NSUN6: variants seen among roughly 807,000 people sequenced by gnomAD.
The protein encoded by NSUN6 is tRNA (cytosine(72)-C(5))-methyltransferase NSUN6.
Under a neutral mutation model 58.0 loss-of-function variants are expected in NSUN6, and 64 were observed. The ratio of observed to expected loss-of-function variants is 1.10; its 90% CI spans 0.90 to 1.36. The LOEUF (loss-of-function observed/expected upper bound fraction) is 1.36. Among genes scored for constraint, NSUN6 ranks in the 40% most tolerant of loss-of-function variants. The probability of loss-of-function intolerance (pLI) is 0.00; values close to 1 mark genes in which losing one functional copy is unlikely to be tolerated. For missense variants in NSUN6, 701 were observed against 550.1 expected, an observed-to-expected ratio of 1.27 and a Z score of -2.74; for synonymous variants, 231 against 193.9, an observed-to-expected ratio of 1.19 and a Z score of -1.59.
intron 8 of NSUN6, among the ~76,000 whole-genome samples, chr10:18,578,231 A>T (rs865792696): frequency 5.7e-4 from 69 of 121,110 alleles, no homozygotes; most frequent in South Asian, 8.2e-4. Context: ...CTCTAAGCCT[A>T]TTTTTTTTTT....
At chr10:18,567,001 TTCCATTCTACTC>T (rs1429305739) in intron 8 of NSUN6, among the ~76,000 whole-genome samples, 1 of 151,364 alleles carries the variant, frequency 6.6e-6, no homozygotes, top group Non-Finnish European at 1.5e-5. Context: ...CTGCATTCCA[TTCCATTCTACTC>T]TCCATTCCAT....
chr10:18,589,174 C>A (rs1337979472), intron 7 of NSUN6, among the ~76,000 whole-genome samples: 2 of 152,076 alleles, frequency 1.3e-5, no homozygotes, highest in African/African-American at 4.8e-5. Context: ...ATATCAGAGA[C>A]TGAAGATCAC....
In NSUN6 at chr10:18,570,225, G is replaced by C. The variant is rs185654598; in HGVS notation, c.922+15724C>G. On this transcript the variant is annotated intron_variant, in intron 8 of 10. Transcript: ENST00000377304. ...CCATTCATGTCCATCCCATTCCATT[G>C]CATTCTATTCTCCATTCCATTCCAT... 4.1e-3 allele frequency among the ~76,000 whole-genome samples: 588 copies of C among 141,948 alleles called. 5 individuals carry two copies. The highest frequency in any genetic ancestry group is 0.014 in the African/African-American group (537 of 37,946). The allele number at this position is 141,948 out of a possible 152,430, so 93.1% of individuals were successfully genotyped here. A position where few individuals can be genotyped will look rare whatever the true frequency, so the allele number is the denominator to read the frequency against.
At chr10:18,622,152 A>G (rs1326551647) in intron 3 of NSUN6, among the ~76,000 whole-genome samples, 1 of 152,114 alleles carries the variant, frequency 6.6e-6, no homozygotes, top group African/African-American at 2.4e-5. Flanking sequence ...CCCGAACTCA[A>G]TGTGATGGTA....
intron 3 of NSUN6, among the ~76,000 whole-genome samples, chr10:18,632,159 A>C (rs955499881): frequency 6.6e-6 from 1 of 152,076 alleles, no homozygotes; most frequent in Admixed American, 6.6e-5. Flanking sequence ...TGGGGAAAGG[A>C]TTCCCTAGTT....
chr10:18,619,608 T>C (rs975701012), intron 3 of NSUN6, among the ~76,000 whole-genome samples: 6 of 152,340 alleles, frequency 3.9e-5, no homozygotes, highest in African/African-American at 9.6e-5. Context: ...CTACATCATT[T>C]TGTGGCCTAC....
chr10:18,642,861 C>G (rs151224653), intron 2 of NSUN6, among the ~76,000 whole-genome samples: 1 of 152,166 alleles, frequency 6.6e-6, no homozygotes, highest in Non-Finnish European at 1.5e-5. Context: ...TATAGAATTA[C>G]ATGTAGTATT....
chr10:18,552,760 A>T (rs1290636767), intron 8 of NSUN6, among the ~76,000 whole-genome samples: 1 of 144,684 alleles, frequency 6.9e-6, no homozygotes, highest in African/African-American at 2.5e-5. Context: ...ACTCCATTCT[A>T]TTCTCCATTC....
At chr10:18,559,671 T>G (rs972319995) in intron 8 of NSUN6, among the ~76,000 whole-genome samples, 1 of 147,534 alleles carries the variant, frequency 6.8e-6, no homozygotes, top group African/African-American at 2.5e-5. Context: ...GGCAATGGAA[T>G]GTGAAATGTA....
chr10:18,644,307 G>C (rs372185800), intron 2 of NSUN6, among the ~76,000 whole-genome samples: 91 of 152,228 alleles, frequency 6.0e-4, no homozygotes, highest in African/African-American at 2.2e-3. Flanking sequence ...TTTGAATGCT[G>C]ACATGATGCC....
chr10:18,559,533 T>C lies in NSUN6; in HGVS notation c.923-7562A>G, dbSNP rs568835267. Among the ~76,000 whole-genome samples, 7 of 135,992 alleles carry C rather than the reference T, an allele frequency of 5.1e-5. No homozygotes were observed. The South Asian group carries it at 1.4e-3, about 27-fold the overall frequency. 89.2% of individuals were successfully genotyped at this position (135,992 alleles called of 152,430 possible). On this transcript the variant is annotated intron_variant, in intron 8 of 10. Coordinates refer to ENST00000377304, the MANE Select transcript of NSUN6 (RefSeq NM_182543.5). ...TAGAATGGATTGGAATGGAACAGAATGGAGAGTGGAGAATAGAAACGAATT... is the reference window on the plus strand; with the variant it reads ...TAGAATGGATTGGAATGGAACAGAACGGAGAGTGGAGAATAGAAACGAATT...
At chr10:18,621,339 T>C (rs1050536918) in intron 3 of NSUN6, among the ~76,000 whole-genome samples, 1 of 152,200 alleles carries the variant, frequency 6.6e-6, no homozygotes, top group Non-Finnish European at 1.5e-5. Flanking sequence ...TGCTTCATAT[T>C]CTTTCACTGT....
At position 18,551,970 on chromosome 10, in the gene NSUN6, T is replaced by C. The variant is rs758281772; in HGVS notation, c.924A>G (p.Gly308=). ...AGGATTCTGGTAGAAATGGAGGTTC[T>C]CCTATAAAGAGAATTATAATCATGT... is the stretch of plus-strand genomic sequence containing the variant. ...VKLDMVEDTE[G]EPPFLPESFD... The change falls in exon 9 of 11, where the codon GGA becomes GGG. Residue 308 remains glycine (G), a splice_region_variant and synonymous_variant. Coordinates refer to ENST00000377304, the MANE Select transcript of NSUN6 (RefSeq NM_182543.5). The C allele has an allele frequency of 6.3e-7, 1 of 1,590,100 alleles. No homozygotes were observed. The highest frequency in any genetic ancestry group is 1.1e-5 in the South Asian group (1 of 88,950).
chr10:18,549,310 G>T (rs972917247), intron 9 of NSUN6, among the ~76,000 whole-genome samples: 1 of 152,072 alleles, frequency 6.6e-6, no homozygotes, highest in Non-Finnish European at 1.5e-5. Context: ...GCTGTTTCTG[G>T]AACACACAAG....
intron 6 of NSUN6, among the ~76,000 whole-genome samples, chr10:18,602,240 GTTTT>G (rs1010976107): frequency 2.2e-5 from 3 of 135,724 alleles, no homozygotes; most frequent in Non-Finnish European, 3.2e-5. Flanking sequence ...TTTTTGTGGG[GTTTT>G]TTTTTTTGTT....
At position 18,648,564 on chromosome 10, in the gene NSUN6, T is replaced by G; in HGVS notation, c.157A>C (p.Thr53Pro). 6.2e-7 allele frequency: 1 copy of G among 1,606,288 alleles called. No individual in the cohort carries two copies. Among genetic ancestry groups the G allele is most frequent in the Non-Finnish European group, 8.5e-7 (1 of 1,173,006 alleles). Reference protein sequence around the residue: ...LKHLSHPPSFTTVRVNTHLAS... With the variant: ...LKHLSHPPSFPTVRVNTHLAS... ...AAATGTGTATTCACTCTGACAGTTGTAAATGATGGAGGATGTGACAGGTGC... is the reference window on the plus strand; with the variant it reads ...AAATGTGTATTCACTCTGACAGTTGGAAATGATGGAGGATGTGACAGGTGC... The change falls in exon 2 of 11, where the codon ACA becomes CCA. Residue 53 changes from threonine to proline, a missense_variant. Physicochemically the swap from Thr to Pro is conservative, Grantham distance 38. Coordinates refer to ENST00000377304, the MANE Select transcript of NSUN6 (RefSeq NM_182543.5).
chr10:18,632,939 A>G (rs553123726), intron 3 of NSUN6, among the ~76,000 whole-genome samples: 44 of 152,306 alleles, frequency 2.9e-4, no homozygotes, highest in Non-Finnish European at 5.1e-4. Context: ...TCATGCTGCT[A>G]TAAAGACACG....
At chr10:18,609,603 A>C (rs1459210709) in intron 6 of NSUN6, among the ~76,000 whole-genome samples, 1 of 152,196 alleles carries the variant, frequency 6.6e-6, no homozygotes, top group African/African-American at 2.4e-5. Flanking sequence ...CAGTCATTTT[A>C]ATCAGTTATT....
intron 8 of NSUN6, among the ~76,000 whole-genome samples, chr10:18,556,475 GGAATGGAATGGA>G (rs1439244513): frequency 6.6e-6 from 1 of 151,208 alleles, no homozygotes; most frequent in East Asian, 2.0e-4. Flanking sequence ...AGAATGGAAT[GGAATGGAATGGA>G]GAATGGAATA....
Sources: gnomAD v4.1 joint callset for allele counts (sites outside exome capture counted in the v4.1 genomes callset) on GRCh38, gnomAD v4.1.1 for gene constraint, MANE v1.5 for transcripts, NCBI Gene and HGNC (gene_info 2026-07-23, HGNC 2026-07-21) for gene names.